Variants in DNAI2 observed in about 807,000 individuals in gnomAD.
DNAI2 encodes dynein axonemal intermediate chain 2.
DNAI2 carries 63 observed loss-of-function variants against 74.7 expected under a neutral mutation model. The observed-to-expected ratio is 0.84, with a 90% confidence interval of 0.69 to 1.04. The LOEUF is 1.04. Among genes scored for constraint, DNAI2 ranks in the 50% least tolerant of loss-of-function variants. The pLI is 0.00. For synonymous variants in DNAI2, 289 were observed against 314.9 expected (o/e 0.92, Z 0.87); for missense variants, 688 against 803.2 (o/e 0.86, Z 1.73).
At position 74,279,175 on chromosome 17, in the gene DNAI2, T is replaced by C. The variant is rs944517934; in HGVS notation, c.-11-2632T>C. Among the ~76,000 whole-genome samples the C allele has an allele frequency of 5.9e-5, 9 of 152,006 alleles. No individual in the cohort carries two copies. The East Asian group carries it at 1.5e-3, about 26-fold the overall frequency. On this transcript the variant is annotated intron_variant, in intron 1 of 13. Coordinates refer to ENST00000311014, the MANE Select transcript of DNAI2 (RefSeq NM_023036.6). ...GAGGGAGACTCCGTCTCAAAATAAATAAATAAATAAAAATAACTAACAAAG... is the reference window on the plus strand; with the variant it reads ...GAGGGAGACTCCGTCTCAAAATAAACAAATAAATAAAAATAACTAACAAAG...
At position 74,285,023 on chromosome 17, in the gene DNAI2, T is replaced by C. The variant is rs771468802; in HGVS notation, c.184-17T>C. 1 of 1,614,030 alleles carries C rather than the reference T, an allele frequency of 6.2e-7. No individual in the cohort carries two copies. The highest frequency in any genetic ancestry group is 1.7e-5 in the Admixed American group (1 of 60,016). ...TATACCAGGGTGACGTCTTCCCTCC[T>C]GCGGCTCTCTGTTTAGGCCAACTCA... On this transcript the variant is annotated splice_polypyrimidine_tract_variant and intron_variant, in intron 2 of 13. Transcript: ENST00000311014.
chr17:74,289,780 T>C (rs2051973922), intron 5 of DNAI2, 44 bp downstream of exon 5: 1 of 1,612,466 alleles, frequency 6.2e-7, no homozygotes, highest in Admixed American at 1.7e-5. Context: ...GGCTGAGGGC[T>C]GGGACCAGCA....
chr17:74,275,115 G>A (rs1290423418), intron 1 of DNAI2, among the ~76,000 whole-genome samples: 1 of 152,204 alleles, frequency 6.6e-6, no homozygotes, highest in Admixed American at 6.6e-5. Flanking sequence ...AACGCAGCAG[G>A]TGACAGGAGT....
chr17:74,310,163 C>T lies in DNAI2; in HGVS notation c.1494C>T (p.Ser498=), dbSNP rs761516740. 3.0e-5 allele frequency: 48 copies of T among 1,613,260 alleles called. No homozygotes were observed. Among genetic ancestry groups the T allele is most frequent in the Non-Finnish European group, 3.0e-5 (35 of 1,180,016 alleles). The change falls in exon 11 of 14, where the codon TCC becomes TCT. Residue 498 remains serine (S), a splice_region_variant and synonymous_variant. Transcript: ENST00000311014. ...LQRNEKNVAS[S]MFERETRREK... ...GGAATGAGAAGAACGTAGCCTCTTC[C>T]GTAAGCACCGGGTGCCTGGGGAAAA... is the stretch of plus-strand genomic sequence containing the variant.
In DNAI2 at chr17:74,277,675, A is replaced by G. The variant is rs147964485; in HGVS notation, c.-12+3330A>G. Among the ~76,000 whole-genome samples the G allele has an allele frequency of 9.8e-3, 1,498 of 152,348 alleles. 14 individuals are homozygous for G. Among genetic ancestry groups the G allele is most frequent in the Admixed American group, 0.033 (505 of 15,304 alleles). On this transcript the variant is annotated intron_variant, in intron 1 of 13. Transcript: ENST00000311014. ...AGGACCCACTGGTCTGGTGCCTTGT[A>G]GCCCTGGAGGCGGGAGAGGGTAGGT...
chr17:74,283,049 CTTGTTTTGTT>C (rs893084743), intron 2 of DNAI2, among the ~76,000 whole-genome samples: 151 of 152,312 alleles, frequency 9.9e-4, no homozygotes, highest in Non-Finnish European at 1.6e-3. Context: ...CTTTTCCAGA[CTTGTTTTGTT>C]TTGTTTTGTT....
chr17:74,284,648 G>A (rs1482931867), intron 2 of DNAI2, among the ~76,000 whole-genome samples: 1 of 152,144 alleles, frequency 6.6e-6, no homozygotes, highest in Non-Finnish European at 1.5e-5. Context: ...TCCTGACCTC[G>A]TGATCTGCTC....
intron 1 of DNAI2, among the ~76,000 whole-genome samples, chr17:74,278,055 A>G (rs2051195918): frequency 6.6e-6 from 1 of 152,240 alleles, no homozygotes; most frequent in Non-Finnish European, 1.5e-5. Context: ...TCACTGCTTT[A>G]GAGCCAGACA....
intron 8 of DNAI2, among the ~76,000 whole-genome samples, chr17:74,301,907 G>A (rs2052813261): frequency 3.3e-5 from 1 of 30,228 alleles, no homozygotes; most frequent in Admixed American, 2.5e-4. Flanking sequence ...AGGAAGGAAG[G>A]AAAGAAGGAA....
chr17:74,303,177 G>A (rs2052964674), intron 8 of DNAI2, among the ~76,000 whole-genome samples: 1 of 152,130 alleles, frequency 6.6e-6, no homozygotes, highest in South Asian at 2.1e-4. Context: ...CACACACGAT[G>A]AGTCTTCATG....
chr17:74,302,904 C>T (rs1457029686), intron 8 of DNAI2, among the ~76,000 whole-genome samples: 1 of 152,234 alleles, frequency 6.6e-6, no homozygotes, highest in Admixed American at 6.5e-5. Flanking sequence ...GACAATTCCA[C>T]TGACCCCCTC....
chr17:74,285,337 C>A (rs1157623058), intron 3 of DNAI2, 136 bp downstream of exon 3: 19 of 1,109,390 alleles, frequency 1.7e-5, no homozygotes, highest in Non-Finnish European at 2.4e-5. Flanking sequence ...CCAGCTGCTA[C>A]CTCAAGGAGC....
intron 6 of DNAI2, 43 bp from the exon 7 acceptor site, chr17:74,299,675 C>A: frequency 6.2e-7 from 1 of 1,612,180 alleles, no homozygotes; most frequent in Non-Finnish European, 8.5e-7. Flanking sequence ...AGGAAGGAAG[C>A]CTGTGCCCCC....
At chr17:74,286,755 A>G (rs1203162646) in intron 3 of DNAI2, among the ~76,000 whole-genome samples, 9 of 152,144 alleles carry the variant, frequency 5.9e-5, no homozygotes, top group East Asian at 3.9e-4. Flanking sequence ...GACATACTGT[A>G]TATCTGTTCA....
intron 6 of DNAI2, among the ~76,000 whole-genome samples, chr17:74,296,952 G>T (rs1486163097): frequency 6.6e-6 from 1 of 152,170 alleles, no homozygotes; most frequent in Non-Finnish European, 1.5e-5. Flanking sequence ...TAAGCCTCTG[G>T]CTAATTTCCA....
intron 6 of DNAI2, among the ~76,000 whole-genome samples, chr17:74,296,471 C>T (rs979209851): frequency 1.3e-5 from 2 of 152,168 alleles, no homozygotes; most frequent in East Asian, 1.9e-4. Flanking sequence ...CTCAAGCAGT[C>T]CTGCCTCAGC....
rs990970220 is a variant in DNAI2 at position 74,300,533 on chromosome 17, A to G, written c.865-513A>G. Among the ~76,000 whole-genome samples, 5 of 152,202 alleles carry G rather than the reference A, an allele frequency of 3.3e-5. No homozygotes were observed. The highest frequency in any genetic ancestry group is 1.2e-4 in the African/African-American group (5 of 41,448). On this transcript the variant is annotated intron_variant, in intron 7 of 13. Coordinates refer to ENST00000311014, the MANE Select transcript of DNAI2 (RefSeq NM_023036.6). This position sits in a 1 kb window ranked among gnomAD's most constrained non-coding sequence, Gnocchi z 4.5. ...TTTCATACACCGCTGCCCCATGCCTATTAATAACTGCATCATGTGGGTGTA... is the reference window on the plus strand; with the variant it reads ...TTTCATACACCGCTGCCCCATGCCTGTTAATAACTGCATCATGTGGGTGTA...
intron 1 of DNAI2, 91 bp from the exon 2 acceptor site, chr17:74,281,716 T>G: frequency 2.3e-6 from 3 of 1,323,068 alleles, no homozygotes; most frequent in Non-Finnish European, 3.2e-6. Flanking sequence ...CCCAACCAGA[T>G]TGAGAACCTG....
chr17:74,306,737 C>T (rs2053210886), intron 9 of DNAI2, among the ~76,000 whole-genome samples: 1 of 152,250 alleles, frequency 6.6e-6, no homozygotes, highest in South Asian at 2.1e-4. Context: ...CCTGCCTTAT[C>T]CTCCTGAGTA....
Sources: allele counts gnomAD v4.1 joint callset (sites outside exome capture counted in the v4.1 genomes callset), GRCh38; gene constraint gnomAD v4.1.1; non-coding constraint Gnocchi (gnomAD v3.1); transcripts MANE v1.5; gene names NCBI Gene and HGNC (gene_info 2026-07-23, HGNC 2026-07-21).